The following CHRM3 variants were observed in gnomAD, a reference collection of about 807,000 sequenced individuals.
CHRM3 encodes the protein cholinergic receptor muscarinic 3, also known as muscarinic acetylcholine receptor M3.
In CHRM3, 11 loss-of-function variants were observed where a neutral mutation model predicts 41.8. The ratio of observed to expected loss-of-function variants is 0.26; its 90% CI spans 0.17 to 0.44. The LOEUF (loss-of-function observed/expected upper bound fraction) is 0.44. CHRM3 is among the 20% of genes least tolerant of loss of function. The pLI, the probability that CHRM3 is intolerant of heterozygous loss-of-function variation, is 1.00. For missense variants in CHRM3, 571 were observed against 745.4 expected (o/e 0.77, Z 2.72); for synonymous variants, 297 against 301.4 (o/e 0.99, Z 0.15).
At chr1:239,525,809 G>C (rs1669957235) in intron 2 of CHRM3, among the ~76,000 whole-genome samples, 1 of 152,206 alleles carries the variant, frequency 6.6e-6, no homozygotes, top group Non-Finnish European at 1.5e-5. Context: ...GTAGGCAAAA[G>C]ATGTAAATGC....
chr1:239,675,772 T>C (rs1268507537), intron 4 of CHRM3, among the ~76,000 whole-genome samples: 4 of 152,156 alleles, frequency 2.6e-5, no homozygotes, highest in Admixed American at 2.6e-4. Context: ...TGCCAAAAGA[T>C]TTTCTAGTCT....
chr1:239,900,497 C>T (rs1044683708), intron 6 of CHRM3, among the ~76,000 whole-genome samples: 4 of 151,588 alleles, frequency 2.6e-5, no homozygotes, highest in Non-Finnish European at 5.9e-5. Context: ...TTAATGAGGC[C>T]GTGGCCCCAA....
intron 6 of CHRM3, among the ~76,000 whole-genome samples, chr1:239,864,617 T>G (rs1675936286): frequency 6.6e-6 from 1 of 151,866 alleles, no homozygotes; most frequent in Non-Finnish European, 1.5e-5. Flanking sequence ...ACCCTCAAAC[T>G]AGCATCGGGC....
chr1:239,788,420 T>A (rs1558123368), intron 5 of CHRM3, among the ~76,000 whole-genome samples: 1 of 152,184 alleles, frequency 6.6e-6, no homozygotes, highest in Non-Finnish European at 1.5e-5. Flanking sequence ...TTCCTTCCAG[T>A]GTCTTCTAAG....
intron 4 of CHRM3, among the ~76,000 whole-genome samples, chr1:239,675,257 G>A (rs547053513): frequency 3.3e-5 from 5 of 152,250 alleles, no homozygotes; most frequent in South Asian, 4.2e-4. Flanking sequence ...TGAATGCTTC[G>A]TACAGTCCAA....
chr1:239,460,387 C>A (rs1665269434), intron 1 of CHRM3, among the ~76,000 whole-genome samples: 1 of 152,106 alleles, frequency 6.6e-6, no homozygotes, highest in South Asian at 2.1e-4. Flanking sequence ...GCTAATGACA[C>A]CTTCTCTATT....
intron 1 of CHRM3, among the ~76,000 whole-genome samples, chr1:239,476,865 A>C (rs1200487864): frequency 6.6e-6 from 1 of 152,204 alleles, no homozygotes; most frequent in African/African-American, 2.4e-5. Context: ...GTTAGGTGAC[A>C]AAATAATAAA....
At chr1:239,567,969 C>T (rs1213966642) in intron 3 of CHRM3, among the ~76,000 whole-genome samples, 1 of 152,156 alleles carries the variant, frequency 6.6e-6, no homozygotes, top group Non-Finnish European at 1.5e-5. Context: ...TTGGCTCCTA[C>T]TAGGCTCTTC....
At chr1:239,485,377 A>G (rs1218556377) in intron 1 of CHRM3, among the ~76,000 whole-genome samples, 1 of 152,136 alleles carries the variant, frequency 6.6e-6, no homozygotes, top group Admixed American at 6.5e-5. Flanking sequence ...GACTCACTGC[A>G]GCCTCAGCTT....
chr1:239,480,492 T>A (rs1236143795), intron 1 of CHRM3, among the ~76,000 whole-genome samples: 1 of 151,436 alleles, frequency 6.6e-6, no homozygotes, highest in African/African-American at 2.4e-5. Flanking sequence ...TGGCAGGTAA[T>A]GCGAAATGTA....
intron 5 of CHRM3, among the ~76,000 whole-genome samples, chr1:239,756,903 T>C (rs976099402): frequency 2.0e-5 from 3 of 152,224 alleles, no homozygotes; most frequent in Admixed American, 1.3e-4. Flanking sequence ...ACTGTTTTTA[T>C]TTAATTTATC....
In CHRM3 at chr1:239,725,820, G is replaced by A. The variant is rs559221381; in HGVS notation, c.-147+47532G>A. Among the ~76,000 whole-genome samples the A allele has an allele frequency of 1.9e-4, 29 of 151,988 alleles. No homozygotes were observed. In the South Asian group the frequency reaches 5.6e-3, roughly 29 times the overall value. Reference sequence around the variant, plus strand: ...GCTTTGGGTAAAAATAATTTAGACTGGGTAAAAATAATGGCTTGAATTCAA... The same window carrying A: ...GCTTTGGGTAAAAATAATTTAGACTAGGTAAAAATAATGGCTTGAATTCAA... On this transcript the variant is annotated intron_variant, in intron 5 of 6. Coordinates refer to ENST00000676153, the MANE Select transcript of CHRM3 (RefSeq NM_001375978.1).
At chr1:239,388,680 A>C (rs954842212) in intron 1 of CHRM3, among the ~76,000 whole-genome samples, 1 of 152,218 alleles carries the variant, frequency 6.6e-6, no homozygotes, top group Admixed American at 6.5e-5. Context: ...TCTGTTCCAA[A>C]TATTGTGGGA....
At chr1:239,459,921 T>C (rs1026341327) in intron 1 of CHRM3, among the ~76,000 whole-genome samples, 7 of 152,310 alleles carry the variant, frequency 4.6e-5, no homozygotes, top group Middle Eastern at 3.4e-3. Flanking sequence ...TTTTATTTAA[T>C]AAATAATGAT....
chr1:239,671,148 T>A (rs570333987), intron 4 of CHRM3, among the ~76,000 whole-genome samples: 1 of 152,326 alleles, frequency 6.6e-6, no homozygotes, highest in Non-Finnish European at 1.5e-5. Flanking sequence ...TCCTAATCAC[T>A]AATTTTGTTT....
At chr1:239,801,796 A>G (rs1670236715) in intron 5 of CHRM3, among the ~76,000 whole-genome samples, 1 of 152,110 alleles carries the variant, frequency 6.6e-6, no homozygotes, top group Non-Finnish European at 1.5e-5. Flanking sequence ...GTGCATTTTG[A>G]CCCAACTTTC....
intron 6 of CHRM3, among the ~76,000 whole-genome samples, chr1:239,845,556 G>A (rs150070049): frequency 4.3e-4 from 66 of 152,238 alleles, no homozygotes; most frequent in African/African-American, 1.4e-3. Flanking sequence ...CGTGTCACCC[G>A]CCCAGCTCTC....
intron 3 of CHRM3, among the ~76,000 whole-genome samples, chr1:239,575,323 G>A (rs1399135880): frequency 5.9e-5 from 9 of 152,146 alleles, no homozygotes; most frequent in Non-Finnish European, 1.0e-4. Flanking sequence ...CAGCCTAAAG[G>A]GTTGTTGAGG....
chr1:239,544,750 G>A (rs1659124448), intron 2 of CHRM3, among the ~76,000 whole-genome samples: 1 of 152,172 alleles, frequency 6.6e-6, no homozygotes, highest in Admixed American at 6.5e-5. Context: ...ACAAAGACGA[G>A]TAGAATACCA....
Sources: allele counts gnomAD v4.1 joint callset (sites outside exome capture counted in the v4.1 genomes callset), GRCh38; gene constraint gnomAD v4.1.1; transcripts MANE v1.5; gene names NCBI Gene and HGNC (gene_info 2026-07-23, HGNC 2026-07-21).